The following G3BP1 variants were observed in gnomAD, a reference collection of about 807,000 sequenced individuals.
G3BP1 encodes ras GTPase-activating protein-binding protein 1.
Under a neutral mutation model 58.6 loss-of-function variants are expected in G3BP1, and 35 were observed. That is an observed-to-expected ratio of 0.60 (90% CI 0.46 to 0.79). The LOEUF is 0.79. Among genes scored for constraint, G3BP1 ranks in the 30% least tolerant of loss-of-function variants. G3BP1 has a pLI of 0.00. For synonymous variants in G3BP1, 191 were observed against 195.4 expected (o/e 0.98, Z 0.19); for missense variants, 523 against 580.8 (o/e 0.90, Z 1.02).
At chr5:151,800,565 A>T (rs1250708902) in intron 10 of G3BP1, among the ~76,000 whole-genome samples, 195 bp from the exon 11 acceptor site, 1 of 152,174 alleles carries the variant, frequency 6.6e-6, no homozygotes, top group African/African-American at 2.4e-5. Context: ...ACACTTTTTC[A>T]TAATCTTTGA....
At chr5:151,801,133 GT>G (rs1762842579) in intron 11 of G3BP1, among the ~76,000 whole-genome samples, 1 of 152,100 alleles carries the variant, frequency 6.6e-6, no homozygotes, top group Non-Finnish European at 1.5e-5. Flanking sequence ...TGAGATTTAC[GT>G]AACTACCTTT....
At chr5:151,773,809 T>C (rs183394073) in intron 1 of G3BP1, among the ~76,000 whole-genome samples, 1 of 152,180 alleles carries the variant, frequency 6.6e-6, no homozygotes, top group African/African-American at 2.4e-5. Context: ...GTTGAGCAAT[T>C]TAAGTTGTCA....
At position 151,808,112 on chromosome 5, in the gene G3BP1, C is replaced by T. The variant is rs936077461; in HGVS notation, c.*4021C>T. ...TTAAAGTTGCTGATCAAGTAATGGCCGTGTGGCACAAGATGATAACTAAGA... is the reference window on the plus strand; with the variant it reads ...TTAAAGTTGCTGATCAAGTAATGGCTGTGTGGCACAAGATGATAACTAAGA... On this transcript the variant is annotated 3_prime_UTR_variant, in exon 12 of 12. Transcript: ENST00000356245. The T allele has an allele frequency of 1.3e-5, 2 of 152,042 alleles. No individual in the cohort carries two copies. Among genetic ancestry groups the T allele is most frequent in the African/African-American group, 2.4e-5 (1 of 41,400 alleles). 9.4% of individuals were successfully genotyped at this position (152,042 alleles called of 1,614,324 possible). A position where few individuals can be genotyped will look rare whatever the true frequency, so the allele number is the denominator to read the frequency against.
At chr5:151,803,814 GCTTT>G (rs1364658593) in intron 11 of G3BP1, 67 bp from the exon 12 acceptor site, 8 of 1,062,624 alleles carry the variant, frequency 7.5e-6, no homozygotes, top group Non-Finnish European at 1.0e-5. Flanking sequence ...CATTATTACA[GCTTT>G]CTTTATCTTT....
At position 151,805,542 on chromosome 5, in the gene G3BP1, G is replaced by A. The variant is rs1446635958; in HGVS notation, c.*1451G>A. 1.3e-5 allele frequency: 2 copies of A among 152,306 alleles called. No homozygotes were observed. The highest frequency in any genetic ancestry group is 3.9e-4 in the East Asian group (2 of 5,184). The allele number at this position is 152,306 out of a possible 1,614,324, so 9.4% of individuals were successfully genotyped here. On this transcript the variant is annotated 3_prime_UTR_variant, in exon 12 of 12. Transcript: ENST00000356245. The stretch of plus-strand genomic sequence containing the variant: ...CTTAACAGTATTCATCTTTAGGACT[G>A]TCGTTTGAGGATAGCATAGGAATAT...
chr5:151,795,956 A>G (rs1762742009), intron 6 of G3BP1, among the ~76,000 whole-genome samples: 1 of 152,194 alleles, frequency 6.6e-6, no homozygotes, highest in African/African-American at 2.4e-5. Context: ...AATTGATATA[A>G]ATACCAATAT....
At chr5:151,785,369 G>A (rs1416643973) in intron 1 of G3BP1, among the ~76,000 whole-genome samples, 1 of 152,178 alleles carries the variant, frequency 6.6e-6, no homozygotes, top group Non-Finnish European at 1.5e-5. Context: ...CTAGATGAGA[G>A]TAAATATATC....
chr5:151,803,568 C>T (rs1762892514), intron 11 of G3BP1, among the ~76,000 whole-genome samples: 1 of 152,102 alleles, frequency 6.6e-6, no homozygotes, highest in African/African-American at 2.4e-5. Context: ...TCTTGGCTCA[C>T]TGCAACCTCC....
chr5:151,797,204 T>C (rs764716356), intron 6 of G3BP1, 23 bp from the exon 7 acceptor site: 3 of 1,610,550 alleles, frequency 1.9e-6, no homozygotes, highest in South Asian at 2.2e-5. Flanking sequence ...CAGAATGATA[T>C]TTCTCAAATT....
chr5:151,773,084 G>C (rs1247795990), intron 1 of G3BP1, among the ~76,000 whole-genome samples: 1 of 152,260 alleles, frequency 6.6e-6, no homozygotes. Flanking sequence ...GTTCCTCATC[G>C]GGTTTGAATC....
chr5:151,801,403 T>G (rs1048848224), intron 11 of G3BP1, among the ~76,000 whole-genome samples: 1 of 152,180 alleles, frequency 6.6e-6, no homozygotes, highest in Non-Finnish European at 1.5e-5. Flanking sequence ...AATGGAAATC[T>G]TACTGTGGGA....
At chr5:151,799,853 T>G in intron 8 of G3BP1, 36 bp from the exon 9 acceptor site, 1 of 1,224,524 alleles carries the variant, frequency 8.2e-7, no homozygotes, top group Non-Finnish European at 1.2e-6. Context: ...TAAGCCTGCT[T>G]TGTTTTAACA....
At position 151,809,279 on chromosome 5, in the gene G3BP1, G is replaced by C. The variant is rs1561540136; in HGVS notation, c.*5188G>C. ...CTAAATTTTAAAATTTTGTTATGAA[G>C]ATTGGATGTACACTGATTTGGCCCT... On this transcript the variant is annotated 3_prime_UTR_variant, in exon 12 of 12. Transcript: ENST00000356245. 1 of 152,178 alleles carries C rather than the reference G, an allele frequency of 6.6e-6. No individual in the cohort carries two copies. Among genetic ancestry groups the C allele is most frequent in the Non-Finnish European group, 1.5e-5 (1 of 68,032 alleles). The allele number at this position is 152,178 out of a possible 1,614,324, so 9.4% of individuals were successfully genotyped here.
chr5:151,786,459 T>C, intron 1 of G3BP1, 113 bp from the exon 2 acceptor site: 2 of 632,132 alleles, frequency 3.2e-6, no homozygotes, highest in Non-Finnish European at 2.9e-6. Context: ...GTATGGGCTC[T>C]GTTTGTTTTT....
chr5:151,777,378 A>G (rs1762391034), intron 1 of G3BP1, among the ~76,000 whole-genome samples: 2 of 152,246 alleles, frequency 1.3e-5, no homozygotes, highest in African/African-American at 4.8e-5. Context: ...TAAAAAGACC[A>G]CTTAAATACT....
intron 4 of G3BP1, 114 bp downstream of exon 4, chr5:151,791,176 A>G (rs1762646413): frequency 1.1e-6 from 1 of 876,816 alleles, no homozygotes; most frequent in Non-Finnish European, 1.9e-6. Flanking sequence ...AAAACTTGGA[A>G]TAATAGTACA....
intron 4 of G3BP1, among the ~76,000 whole-genome samples, chr5:151,793,773 A>T (rs1762699065): frequency 6.7e-6 from 1 of 148,642 alleles, no homozygotes; most frequent in Non-Finnish European, 1.5e-5. Flanking sequence ...CGGGAGGACC[A>T]CTTGAGCCCA....
chr5:151,782,293 T>A (rs1051632987), intron 1 of G3BP1, among the ~76,000 whole-genome samples: 13 of 152,166 alleles, frequency 8.5e-5, no homozygotes, highest in Non-Finnish European at 1.5e-5. Flanking sequence ...TAGTGAGAGT[T>A]GGTTAAATAA....
At chr5:151,780,430 T>A (rs1301207996) in intron 1 of G3BP1, among the ~76,000 whole-genome samples, 1 of 152,212 alleles carries the variant, frequency 6.6e-6, no homozygotes, top group African/African-American at 2.4e-5. Context: ...GCTTTGCCAT[T>A]AAAAATGCAG....
Sources: gnomAD v4.1 joint callset for allele counts (sites outside exome capture counted in the v4.1 genomes callset) on GRCh38, gnomAD v4.1.1 for gene constraint, MANE v1.5 for transcripts, NCBI Gene and HGNC (gene_info 2026-07-23, HGNC 2026-07-21) for gene names.